WWOX: variants seen among roughly 807,000 people sequenced by gnomAD.
The protein encoded by WWOX is WW domain-containing oxidoreductase.
A neutral mutation model predicts 46.2 loss-of-function variants in WWOX; 69 were observed. That is an observed-to-expected ratio of 1.49 (90% confidence interval 1.23 to 1.82). The LOEUF is 1.82. Ranked by LOEUF, WWOX falls within the 40% of genes most tolerant of loss-of-function variation. WWOX has a pLI of 0.00. For synonymous variants in WWOX, 359 were observed against 202.6 expected, an observed-to-expected ratio of 1.77 and a Z score of -6.56; for missense variants, 919 against 542.6, an observed-to-expected ratio of 1.69 and a Z score of -6.89.
At chr16:78,767,363 G>A (rs2049947677) in intron 8 of WWOX, among the ~76,000 whole-genome samples, 1 of 151,836 alleles carries the variant, frequency 6.6e-6, no homozygotes, top group African/African-American at 2.4e-5. Context: ...TTGAACTCCT[G>A]TGCTCCGGTC....
chr16:78,357,442 A>G (rs1170605220), intron 5 of WWOX, among the ~76,000 whole-genome samples: 1 of 152,156 alleles, frequency 6.6e-6, no homozygotes, highest in Non-Finnish European at 1.5e-5. Context: ...CATTCAATCA[A>G]TGAATGATTG....
At chr16:78,662,824 G>C (rs905528697) in intron 8 of WWOX, among the ~76,000 whole-genome samples, 2 of 152,074 alleles carry the variant, frequency 1.3e-5, no homozygotes, top group African/African-American at 2.4e-5. Context: ...TCAGCTTTTT[G>C]GCTGTTGGTT....
intron 5 of WWOX, among the ~76,000 whole-genome samples, chr16:78,278,989 T>C (rs1418642492): frequency 6.6e-6 from 1 of 152,196 alleles, no homozygotes; most frequent in African/African-American, 2.4e-5. Context: ...TTGTATTATC[T>C]GAGGGATGCT....
At chr16:79,143,475 T>G (rs1183694765) in intron 8 of WWOX, among the ~76,000 whole-genome samples, 1 of 152,186 alleles carries the variant, frequency 6.6e-6, no homozygotes, top group Non-Finnish European at 1.5e-5. Context: ...AGTGGATTCT[T>G]CGACTTTAAT....
rs114751200 is a variant in WWOX at position 78,398,509 on chromosome 16, C to T, written c.605+11561C>T. On this transcript the variant is annotated intron_variant, in intron 6 of 8. Transcript: ENST00000566780. ...TCACGTCCTCTACAGAGCCTCCCTT[C>T]TACCTGCTCTTACCCGGGCACCACA... Among the ~76,000 whole-genome samples the T allele has an allele frequency of 7.9e-3, 1,196 of 152,332 alleles. 21 individuals carry two copies. Among genetic ancestry groups the T allele is most frequent in the African/African-American group, 0.027 (1,106 of 41,570 alleles).
intron 8 of WWOX, among the ~76,000 whole-genome samples, chr16:79,152,150 C>A (rs773855992): frequency 2.0e-5 from 3 of 152,166 alleles, no homozygotes; most frequent in South Asian, 2.1e-4. Flanking sequence ...TTGTTTCTGT[C>A]GGCACTGCCT....
intron 8 of WWOX, among the ~76,000 whole-genome samples, chr16:78,584,028 C>G (rs2045130985): frequency 6.6e-6 from 1 of 152,164 alleles, no homozygotes; most frequent in Non-Finnish European, 1.5e-5. Flanking sequence ...TCAGTGTGGC[C>G]CAGATCAACC....
At chr16:78,484,220 G>A (rs916460849) in intron 8 of WWOX, among the ~76,000 whole-genome samples, 4 of 143,354 alleles carry the variant, frequency 2.8e-5, no homozygotes, top group Non-Finnish European at 6.1e-5. Flanking sequence ...AAAATTTGCA[G>A]TAATACTTTT....
At chr16:79,025,303 C>T (rs943028390) in intron 8 of WWOX, among the ~76,000 whole-genome samples, 12 of 152,046 alleles carry the variant, frequency 7.9e-5, no homozygotes, top group East Asian at 1.9e-4. Context: ...CCTTTGGGTT[C>T]GATTTAGTGG....
At chr16:78,405,063 G>A (rs746061255) in intron 6 of WWOX, among the ~76,000 whole-genome samples, 7 of 152,184 alleles carry the variant, frequency 4.6e-5, no homozygotes, top group Admixed American at 2.0e-4. Flanking sequence ...TTGAGATTTT[G>A]TTGCTGGGAC....
At chr16:78,521,003 G>T (rs1232461396) in intron 8 of WWOX, among the ~76,000 whole-genome samples, 1 of 152,192 alleles carries the variant, frequency 6.6e-6, no homozygotes, top group Non-Finnish European at 1.5e-5. Flanking sequence ...GGCTGAATTT[G>T]CAGGGTCAAG....
chr16:78,789,928 T>C (rs990130493), intron 8 of WWOX, among the ~76,000 whole-genome samples: 13 of 152,198 alleles, frequency 8.5e-5, no homozygotes, highest in African/African-American at 1.7e-4. Context: ...CTGCCACTTA[T>C]TGTGTCACTT....
At chr16:79,164,650 A>G (rs1249231741) in intron 8 of WWOX, among the ~76,000 whole-genome samples, 1 of 152,220 alleles carries the variant, frequency 6.6e-6, no homozygotes, top group East Asian at 1.9e-4. Context: ...GAAAGTTCCC[A>G]CTTTATTAAA....
At chr16:78,828,591 A>G (rs576210099) in intron 8 of WWOX, among the ~76,000 whole-genome samples, 1 of 152,064 alleles carries the variant, frequency 6.6e-6, no homozygotes, top group Non-Finnish European at 1.5e-5. Flanking sequence ...ACTATATACC[A>G]AATTCTATCG....
At chr16:78,669,528 G>A (rs969114650) in intron 8 of WWOX, among the ~76,000 whole-genome samples, 7 of 152,212 alleles carry the variant, frequency 4.6e-5, no homozygotes, top group African/African-American at 9.7e-5. Context: ...CCATAGGACA[G>A]TACCTACCAC....
At chr16:78,797,946 C>A in intron 8 of WWOX, among the ~76,000 whole-genome samples, 1 of 152,196 alleles carries the variant, frequency 6.6e-6, no homozygotes, top group East Asian at 1.9e-4. Flanking sequence ...CATGGTCACA[C>A]CACTGCCCTC....
rs146481933 is a variant in WWOX at position 78,824,280 on chromosome 16, A to G, written c.1057-387328A>G. Among the ~76,000 whole-genome samples the G allele has an allele frequency of 3.3e-5, 5 of 152,292 alleles. No homozygotes were observed. In the East Asian group the frequency reaches 9.7e-4, roughly 29 times the overall value. On this transcript the variant is annotated intron_variant, in intron 8 of 8. Transcript: ENST00000566780. Reference sequence around the variant, plus strand: ...CTGTAGAAAGTTTTTCTAACAATAAACTGACCAATGATGATGAAATTTTTA... The same window carrying G: ...CTGTAGAAAGTTTTTCTAACAATAAGCTGACCAATGATGATGAAATTTTTA...
intron 8 of WWOX, among the ~76,000 whole-genome samples, chr16:79,169,390 T>G (rs562737149): frequency 1.9e-4 from 29 of 152,328 alleles, no homozygotes; most frequent in Non-Finnish European, 4.0e-4. Context: ...CGTCTTCATC[T>G]GCAAGTTGGA....
chr16:79,073,532 A>G (rs1481626315), intron 8 of WWOX, among the ~76,000 whole-genome samples: 1 of 152,112 alleles, frequency 6.6e-6, no homozygotes, highest in Non-Finnish European at 1.5e-5. Flanking sequence ...ATTTGAGTTT[A>G]TGTCTCCTAC....
Sources: allele counts gnomAD v4.1 joint callset (sites outside exome capture counted in the v4.1 genomes callset), GRCh38; gene constraint gnomAD v4.1.1; transcripts MANE v1.5; gene names NCBI Gene and HGNC (gene_info 2026-07-23, HGNC 2026-07-21).